The following KLF8 variants were observed in gnomAD, a reference collection of about 807,000 sequenced individuals.
KLF8 encodes the protein KLF transcription factor 8.
Under a neutral mutation model 18.2 loss-of-function variants are expected in KLF8, and 10 were observed. The ratio of observed to expected loss-of-function variants is 0.55; its 90% CI spans 0.34 to 0.93. KLF8 has a LOEUF of 0.93. Among genes scored for constraint, KLF8 ranks in the 40% least tolerant of loss-of-function variants. The probability of loss-of-function intolerance (pLI) is 0.02; values close to 1 mark genes in which losing one functional copy is unlikely to be tolerated. For missense variants in KLF8, 264 were observed against 277.9 expected, an observed-to-expected ratio of 0.95 and a Z score of 0.36; for synonymous variants, 109 against 97.3, an observed-to-expected ratio of 1.12 and a Z score of -0.71.
chrX:56,023,976 G>T, the KLF8 span, among the ~76,000 whole-genome samples: 1 of 111,431 alleles, frequency 9.0e-6, no homozygotes, highest in Non-Finnish European at 1.9e-5. Context: ...ACAACTGTAT[G>T]AGAATAGTCA....
At chrX:56,173,559 T>C in the KLF8 span, among the ~76,000 whole-genome samples, 2 of 112,149 alleles carry the variant, frequency 1.8e-5, no homozygotes, top group Middle Eastern at 4.2e-3. Context: ...TTCTTTTGGC[T>C]CAAGATTCAC....
chrX:56,033,368 G>A, the KLF8 span, among the ~76,000 whole-genome samples: 10 of 111,311 alleles, frequency 9.0e-5, no homozygotes, highest in Non-Finnish European at 1.7e-4. Context: ...CCTTTTCAGG[G>A]CTGTTACTCC....
chrX:55,929,856 C>G, the KLF8 span, among the ~76,000 whole-genome samples: 1 of 106,530 alleles, frequency 9.4e-6, no homozygotes, highest in African/African-American at 3.4e-5. Context: ...ATTGTCTTGA[C>G]TATACGGGCT....
chrX:56,078,927 C>T, the KLF8 span, among the ~76,000 whole-genome samples: 13 of 111,196 alleles, frequency 1.2e-4, no homozygotes, highest in African/African-American at 2.3e-4. Context: ...AGTTTATTTG[C>T]GTAGAGGTGT....
At chrX:56,122,990 C>G in the KLF8 span, among the ~76,000 whole-genome samples, 2 of 110,453 alleles carry the variant, frequency 1.8e-5, no homozygotes, top group Non-Finnish European at 3.8e-5. Context: ...TAATTCTCCC[C>G]CTTTTCCACT....
chrX:56,269,821 T>C (rs1354976841), intron 4 of KLF8, among the ~76,000 whole-genome samples: 2 of 112,263 alleles, frequency 1.8e-5, no homozygotes, highest in Non-Finnish European at 3.8e-5. Flanking sequence ...TGAAACTAAT[T>C]GGAAGTAGTT....
At chrX:55,916,745 G>A in the KLF8 span, among the ~76,000 whole-genome samples, 1 of 111,888 alleles carries the variant, frequency 8.9e-6, no homozygotes, top group African/African-American at 3.2e-5. Flanking sequence ...TGTGTTTCCC[G>A]TTTGTGGGTC....
At chrX:55,914,173 G>A in the KLF8 span, among the ~76,000 whole-genome samples, 1 of 111,563 alleles carries the variant, frequency 9.0e-6, no homozygotes. Context: ...TGCAGCTTTG[G>A]TTTAATTAAA....
chrX:56,087,612 G>C, the KLF8 span, among the ~76,000 whole-genome samples: 1 of 110,996 alleles, frequency 9.0e-6, no homozygotes, highest in Non-Finnish European at 1.9e-5. Context: ...AAATTATCCA[G>C]TATCAGGTTT....
the KLF8 span, among the ~76,000 whole-genome samples, chrX:56,101,471 G>C: frequency 9.0e-6 from 1 of 111,592 alleles, no homozygotes; most frequent in Non-Finnish European, 1.9e-5. Flanking sequence ...TTTTCCTTTG[G>C]ATATACAACC....
chrX:55,916,577 G>T, the KLF8 span, among the ~76,000 whole-genome samples: 22 of 111,881 alleles, frequency 2.0e-4, no homozygotes, highest in Non-Finnish European at 5.6e-5. Context: ...GCTGGTGAGT[G>T]CATTCTCAAA....
chrX:56,129,638 G>T, the KLF8 span, among the ~76,000 whole-genome samples: 1 of 111,634 alleles, frequency 9.0e-6, no homozygotes, highest in Non-Finnish European at 1.9e-5. Flanking sequence ...GCTAAACTTT[G>T]TAACCACTTG....
At chrX:56,164,791 G>T in the KLF8 span, among the ~76,000 whole-genome samples, 2 of 64,815 alleles carry the variant, frequency 3.1e-5, no homozygotes, top group Admixed American at 2.4e-4. Context: ...TAGGGTACAT[G>T]TGCACATTGT....
chrX:56,165,021 C>A, the KLF8 span, among the ~76,000 whole-genome samples: 1 of 94,728 alleles, frequency 1.1e-5, no homozygotes, highest in Non-Finnish European at 2.1e-5. Flanking sequence ...TTTGTTCTTG[C>A]GATAGTTTAC....
the KLF8 span, among the ~76,000 whole-genome samples, chrX:56,170,743 A>G: frequency 9.0e-6 from 1 of 111,276 alleles, no homozygotes; most frequent in Non-Finnish European, 1.9e-5. Flanking sequence ...GAAGAAGTAG[A>G]GAGATAGGGG....
chrX:56,178,276 T>C, the KLF8 span, among the ~76,000 whole-genome samples: 1 of 112,911 alleles, frequency 8.9e-6, no homozygotes, highest in Non-Finnish European at 1.9e-5. Flanking sequence ...GCTGCATAAA[T>C]GTCTTCTTTT....
the KLF8 span, among the ~76,000 whole-genome samples, chrX:56,143,561 T>A: frequency 2.7e-5 from 3 of 111,787 alleles, no homozygotes; most frequent in African/African-American, 9.8e-5. Flanking sequence ...AATGAATGAG[T>A]GGCATATGTA....
the KLF8 span, among the ~76,000 whole-genome samples, chrX:56,002,229 T>C: frequency 1.8e-5 from 2 of 112,109 alleles, no homozygotes; most frequent in East Asian, 5.6e-4. Context: ...ACTGTTCTCT[T>C]GGCCTGGTAT....
the KLF8 span, among the ~76,000 whole-genome samples, chrX:56,142,613 C>A: frequency 1.8e-5 from 2 of 112,145 alleles, no homozygotes; most frequent in Admixed American, 9.5e-5. Context: ...TATCTAACCA[C>A]CTACTTGATA....
Sources: gnomAD v4.1 joint callset for allele counts (sites outside exome capture counted in the v4.1 genomes callset) on GRCh38, gnomAD v4.1.1 for gene constraint, MANE v1.5 for transcripts, NCBI Gene and HGNC (gene_info 2026-07-23, HGNC 2026-07-21) for gene names.